The following INSL6 variants were observed in gnomAD, a reference collection of about 807,000 sequenced individuals.
INSL6 encodes insulin-like peptide INSL6.
A neutral mutation model predicts 9.4 loss-of-function variants in INSL6; 16 were observed. The ratio of observed to expected loss-of-function variants is 1.70; its 90% CI spans 1.15 to 2.59. The LOEUF is 2.59. Among genes scored for constraint, INSL6 ranks in the 30% most tolerant of loss-of-function variants. The pLI, the probability that INSL6 is intolerant of heterozygous loss-of-function variation, is 0.00. For synonymous variants in INSL6, 154 were observed against 96.9 expected, an observed-to-expected ratio of 1.59 and a Z score of -3.46; for missense variants, 391 against 257.3, an observed-to-expected ratio of 1.52 and a Z score of -3.56.
At chr9:4,993,047 C>G in the INSL6 span, among the ~76,000 whole-genome samples, 1 of 152,146 alleles carries the variant, frequency 6.6e-6, no homozygotes, top group Admixed American at 6.5e-5. Context: ...GCTCCAGAGT[C>G]CAAAGGCCCC....
intron 2 of INSL6, among the ~76,000 whole-genome samples, chr9:5,140,965 G>C (rs573403506): frequency 3.3e-5 from 5 of 152,130 alleles, no homozygotes; most frequent in African/African-American, 1.2e-4. Flanking sequence ...TGCGGTATAT[G>C]GTTTTCTGCT....
the INSL6 span, chr9:5,112,499 A>G: frequency 1.8e-6 from 1 of 562,136 alleles, no homozygotes; most frequent in Non-Finnish European, 3.2e-6. Flanking sequence ...GACGAGGAGG[A>G]AGATGACCTT....
the INSL6 span, chr9:5,069,300 A>G: frequency 1.3e-6 from 1 of 785,834 alleles, no homozygotes; most frequent in Non-Finnish European, 2.0e-6. Context: ...CAAAGGATAT[A>G]TGAAAGAAGC....
intron 1 of INSL6, among the ~76,000 whole-genome samples, chr9:5,175,231 C>T (rs188449576): frequency 3.3e-5 from 5 of 152,244 alleles, no homozygotes; most frequent in Non-Finnish European, 7.4e-5. Flanking sequence ...TGAGCCACCG[C>T]GTCTGGCCAT....
At chr9:5,114,591 G>A in the INSL6 span, 4 of 491,340 alleles carry the variant, frequency 8.1e-6, no homozygotes, top group Admixed American at 9.2e-5. Flanking sequence ...GGACATCTTG[G>A]TGCAGTGGCT....
chr9:5,052,928 G>A, the INSL6 span, among the ~76,000 whole-genome samples: 1 of 151,922 alleles, frequency 6.6e-6, no homozygotes, highest in African/African-American at 2.4e-5. Flanking sequence ...CCATGTTTTG[G>A]CTATTGTGAC....
At chr9:5,063,058 A>C in the INSL6 span, among the ~76,000 whole-genome samples, 1 of 152,076 alleles carries the variant, frequency 6.6e-6, no homozygotes, top group Non-Finnish European at 1.5e-5. Context: ...GTGTTAGCTA[A>C]ATACCTTTTA....
At chr9:5,024,300 T>C in the INSL6 span, among the ~76,000 whole-genome samples, 1 of 152,178 alleles carries the variant, frequency 6.6e-6, no homozygotes, top group Non-Finnish European at 1.5e-5. Context: ...TTTTAGCATG[T>C]AAGATTTTGC....
At chr9:5,173,787 AAAG>A (rs1291707771) in intron 1 of INSL6, among the ~76,000 whole-genome samples, 1 of 152,146 alleles carries the variant, frequency 6.6e-6, no homozygotes, top group African/African-American at 2.4e-5. Context: ...AAAAAAAAAA[AAAG>A]AATGAAAGGG....
the INSL6 span, among the ~76,000 whole-genome samples, chr9:5,031,776 G>C: frequency 2.0e-5 from 3 of 152,190 alleles, no homozygotes; most frequent in Admixed American, 2.0e-4. Flanking sequence ...AGGCAGGAGG[G>C]TGGAGCCAAG....
At chr9:5,178,311 G>C (rs1564056313) in intron 1 of INSL6, among the ~76,000 whole-genome samples, 1 of 152,118 alleles carries the variant, frequency 6.6e-6, no homozygotes, top group Non-Finnish European at 1.5e-5. Context: ...GGGAGGAGGG[G>C]CTGCCGCCAT....
the INSL6 span, among the ~76,000 whole-genome samples, chr9:5,082,751 C>T: frequency 6.6e-6 from 1 of 152,322 alleles, no homozygotes; most frequent in African/African-American, 2.4e-5. Flanking sequence ...TGGAGAATGG[C>T]GATGACTTTT....
chr9:5,001,778 C>G, the INSL6 span, among the ~76,000 whole-genome samples: 1 of 152,004 alleles, frequency 6.6e-6, no homozygotes, highest in East Asian at 1.9e-4. Flanking sequence ...AGTTGACAGA[C>G]TTTCCCAGGG....
the INSL6 span, chr9:5,112,615 G>A: frequency 3.7e-5 from 34 of 910,304 alleles, 1 homozygote; most frequent in South Asian, 6.0e-4. Flanking sequence ...GGCGCATGTG[G>A]CAACTGCACC....
the INSL6 span, among the ~76,000 whole-genome samples, chr9:5,046,279 T>C: frequency 6.6e-6 from 1 of 152,164 alleles, no homozygotes; most frequent in Non-Finnish European, 1.5e-5. Context: ...TTTGTTGTTA[T>C]ATTATAGAAA....
chr9:5,141,704 C>A (rs1824505089), intron 2 of INSL6, among the ~76,000 whole-genome samples: 1 of 152,170 alleles, frequency 6.6e-6, no homozygotes, highest in South Asian at 2.1e-4. Context: ...TTTTGCTGGG[C>A]AGAAGCTCTT....
chr9:5,120,574 G>A (rs1256722608), downstream of INSL6, among the ~76,000 whole-genome samples: 1 of 152,088 alleles, frequency 6.6e-6, no homozygotes, highest in Non-Finnish European at 1.5e-5. Flanking sequence ...GTAAAAAATC[G>A]GTGAAACAGG....
the INSL6 span, among the ~76,000 whole-genome samples, chr9:4,998,855 G>T: frequency 6.6e-6 from 1 of 151,596 alleles, no homozygotes. Context: ...TTTTGAGATG[G>T]AGTCTCCCTC....
At chr9:5,103,222 A>C in the INSL6 span, among the ~76,000 whole-genome samples, 41 of 40,178 alleles carry the variant, frequency 1.0e-3, no homozygotes, top group African/African-American at 3.6e-3. Flanking sequence ...AAGGGAAAGC[A>C]AAAAAAAAAA....
Sources: gnomAD v4.1 joint callset for allele counts (sites outside exome capture counted in the v4.1 genomes callset) on GRCh38, gnomAD v4.1.1 for gene constraint, MANE v1.5 for transcripts, NCBI Gene and HGNC (gene_info 2026-07-23, HGNC 2026-07-21) for gene names.